The following ZC2HC1A variants were observed in gnomAD, a reference collection of about 807,000 sequenced individuals.
ZC2HC1A encodes zinc finger C2HC-type containing 1A.
ZC2HC1A carries 28 observed loss-of-function variants against 40.7 expected under a neutral mutation model. The observed-to-expected ratio is 0.69, with a 90% confidence interval of 0.51 to 0.94. ZC2HC1A has a LOEUF of 0.94. Ranked by LOEUF, ZC2HC1A falls within the 40% of genes least tolerant of loss-of-function variation. The pLI is 0.00. For missense variants in ZC2HC1A, 389 were observed against 386.3 expected (o/e 1.01, Z -0.06); for synonymous variants, 129 against 129.2 (o/e 1.00, Z 0.01).
At chr8:78,678,749 T>G (rs2130444782) in intron 3 of ZC2HC1A, 70 bp downstream of exon 3, 1 of 1,046,812 alleles carries the variant, frequency 9.6e-7, no homozygotes, top group Non-Finnish European at 1.4e-6. Context: ...ATATTATCTG[T>G]TACAGTAAGG....
intron 1 of ZC2HC1A, among the ~76,000 whole-genome samples, chr8:78,670,754 G>T (rs1176769285): frequency 6.6e-6 from 1 of 152,190 alleles, no homozygotes; most frequent in Non-Finnish European, 1.5e-5. Context: ...TTAAAGTCCA[G>T]AGTTGGTTGT....
chr8:78,683,667 G>C (rs781301392), intron 3 of ZC2HC1A, among the ~76,000 whole-genome samples: 61 of 152,084 alleles, frequency 4.0e-4, no homozygotes, highest in Admixed American at 3.3e-4. Context: ...CCTTTGTCTT[G>C]GTGATTAACA....
At chr8:78,695,574 C>T (rs1407451397) in intron 5 of ZC2HC1A, among the ~76,000 whole-genome samples, 3 of 152,146 alleles carry the variant, frequency 2.0e-5, no homozygotes, top group Admixed American at 2.0e-4. Context: ...ACATAACTCT[C>T]GTAGTTTAAC....
At chr8:78,666,261 G>A (rs1809293671) in intron 1 of ZC2HC1A, 97 bp downstream of exon 1, 1 of 1,529,786 alleles carries the variant, frequency 6.5e-7, no homozygotes, top group East Asian at 2.5e-5. Context: ...GGCTGGTTCG[G>A]TGCGGCGGAC....
At chr8:78,689,681 A>G (rs1352911010) in intron 5 of ZC2HC1A, among the ~76,000 whole-genome samples, 2 of 152,058 alleles carry the variant, frequency 1.3e-5, no homozygotes, top group Non-Finnish European at 2.9e-5. Flanking sequence ...TTTTTAGATT[A>G]TCGAGTGAAA....
chr8:78,687,902 T>C lies in ZC2HC1A; in HGVS notation c.352+1294T>C, dbSNP rs1037205836. The stretch of plus-strand genomic sequence containing the variant: ...ATATATTTATATAATAAATTATATA[T>C]ATTTATATAAATATATAATTATTTA... On this transcript the variant is annotated intron_variant, in intron 4 of 8. Coordinates refer to ENST00000263849, the MANE Select transcript of ZC2HC1A (RefSeq NM_016010.3). Among the ~76,000 whole-genome samples, 74 of 58,734 alleles carry C rather than the reference T, an allele frequency of 1.3e-3. 2 individuals are homozygous for C. Among genetic ancestry groups the C allele is most frequent in the African/African-American group, 3.0e-3 (73 of 24,202 alleles). 38.5% of individuals were successfully genotyped at this position (58,734 alleles called of 152,430 possible).
rs752591216 is a variant in ZC2HC1A at position 78,717,512 on chromosome 8, A to AT, written c.*19_*20insT. On this transcript the variant is annotated 3_prime_UTR_variant, in exon 9 of 9. Transcript: ENST00000263849. The stretch of plus-strand genomic sequence containing the variant: ...TCTATGAATAGAATCTCAAAAAAAA[A>AT]AAAAAGCCAAGTTCAGAGTTTATGA... The AT allele has an allele frequency of 1.4e-5, 22 of 1,557,462 alleles. No individual in the cohort carries two copies. Among genetic ancestry groups the AT allele is most frequent in the Admixed American group, 2.1e-5 (1 of 46,698 alleles).
chr8:78,666,266 G>A, intron 1 of ZC2HC1A, 102 bp downstream of exon 1: 1 of 1,519,792 alleles, frequency 6.6e-7, no homozygotes, highest in Non-Finnish European at 8.9e-7. Flanking sequence ...GTTCGGTGCG[G>A]CGGACCTCGC....
chr8:78,687,726 T>A (rs1563626879), intron 4 of ZC2HC1A, among the ~76,000 whole-genome samples: 33 of 68,848 alleles, frequency 4.8e-4, no homozygotes, highest in Non-Finnish European at 6.0e-4. Context: ...ACGTAATACA[T>A]TATATATATT....
At chr8:78,678,975 ATTCTT>A (rs1254931038) in intron 3 of ZC2HC1A, 10 of 189,480 alleles carry the variant, frequency 5.3e-5, no homozygotes, top group Non-Finnish European at 1.1e-4. Context: ...GCTGTCCCAC[ATTCTT>A]TTCAAGTCAT....
intron 7 of ZC2HC1A, among the ~76,000 whole-genome samples, chr8:78,706,916 G>A (rs1810791421): frequency 6.6e-6 from 1 of 152,144 alleles, no homozygotes; most frequent in African/African-American, 2.4e-5. Flanking sequence ...TTTGAGTTAA[G>A]TGATTTTTCT....
intron 5 of ZC2HC1A, among the ~76,000 whole-genome samples, chr8:78,696,213 T>G (rs1425500756): frequency 6.6e-6 from 1 of 152,096 alleles, no homozygotes; most frequent in African/African-American, 2.4e-5. Context: ...TTTTTGTATT[T>G]TTAGTAGAGA....
At chr8:78,703,310 C>A (rs1810666572) in intron 7 of ZC2HC1A, among the ~76,000 whole-genome samples, 1 of 152,156 alleles carries the variant, frequency 6.6e-6, no homozygotes, top group African/African-American at 2.4e-5. Flanking sequence ...GTGCTGAGTT[C>A]AGGTCCTAAA....
chr8:78,677,354 TAA>T (rs34753315), intron 2 of ZC2HC1A, among the ~76,000 whole-genome samples: 1 of 148,200 alleles, frequency 6.7e-6, no homozygotes, highest in Non-Finnish European at 1.5e-5. Flanking sequence ...GACAACTCTT[TAA>T]AAAAAAAAAT....
intron 1 of ZC2HC1A, among the ~76,000 whole-genome samples, chr8:78,671,413 T>A (rs1809434917): frequency 6.6e-6 from 1 of 152,212 alleles, no homozygotes; most frequent in Non-Finnish European, 1.5e-5. Flanking sequence ...ATTTGCTCTC[T>A]GATATAATAT....
intron 3 of ZC2HC1A, among the ~76,000 whole-genome samples, chr8:78,681,620 C>G (rs1450238380): frequency 1.3e-5 from 2 of 151,994 alleles, no homozygotes; most frequent in Admixed American, 6.6e-5. Flanking sequence ...AATATTGATG[C>G]TAGATTTTTC....
chr8:78,681,521 TGTC>T (rs1333538189), intron 3 of ZC2HC1A, among the ~76,000 whole-genome samples: 1 of 152,208 alleles, frequency 6.6e-6, no homozygotes, highest in Non-Finnish European at 1.5e-5. Context: ...AAGTAGATAA[TGTC>T]ATTCTTTTTG....
At chr8:78,673,414 A>G (rs182100956) in intron 1 of ZC2HC1A, among the ~76,000 whole-genome samples, 172 of 152,228 alleles carry the variant, frequency 1.1e-3, no homozygotes, top group African/African-American at 4.0e-3. Flanking sequence ...GATTTATAAT[A>G]CTTTGGGTAC....
At position 78,718,742 on chromosome 8, in the gene ZC2HC1A, T is replaced by C. The variant is rs1309185520; in HGVS notation, c.*1249T>C. The stretch of plus-strand genomic sequence containing the variant: ...AGCTCTTAATCATTGTCACTTTCAG[T>C]ATATCATAGTAGTTAGTAGTAGATT... On this transcript the variant is annotated 3_prime_UTR_variant, in exon 9 of 9. Coordinates refer to ENST00000263849, the MANE Select transcript of ZC2HC1A (RefSeq NM_016010.3). The C allele has an allele frequency of 1.3e-5, 2 of 151,890 alleles. No individual in the cohort carries two copies. The highest frequency in any genetic ancestry group is 4.8e-5 in the African/African-American group (2 of 41,452). 9.4% of individuals were successfully genotyped at this position (151,890 alleles called of 1,614,324 possible).
Sources: gnomAD v4.1 joint callset for allele counts (sites outside exome capture counted in the v4.1 genomes callset) on GRCh38, gnomAD v4.1.1 for gene constraint, MANE v1.5 for transcripts, NCBI Gene and HGNC (gene_info 2026-07-23, HGNC 2026-07-21) for gene names.